Variants in KIAA1549L observed in about 807,000 individuals in gnomAD.
KIAA1549L encodes KIAA1549 like.
In KIAA1549L, 88 loss-of-function variants were observed where a neutral mutation model predicts 160.7. That is an observed-to-expected ratio of 0.55 (90% CI 0.46 to 0.65). The LOEUF (loss-of-function observed/expected upper bound fraction) is 0.65, where lower values mean the gene tolerates loss of function less well. KIAA1549L is among the 30% of genes least tolerant of loss of function. The pLI, the probability that KIAA1549L is intolerant of heterozygous loss-of-function variation, is 0.00. For synonymous variants in KIAA1549L, 950 were observed against 976.7 expected (o/e 0.97, Z 0.51); for missense variants, 2,258 against 2,437.5 (o/e 0.93, Z 1.55).
intron 1 of KIAA1549L, among the ~76,000 whole-genome samples, chr11:33,396,594 G>C (rs1431404166): frequency 1.3e-5 from 2 of 151,968 alleles, no homozygotes; most frequent in African/African-American, 4.8e-5. Context: ...AGAGTGAAGG[G>C]ACTCAGCTGA....
At chr11:33,597,242 T>C (rs762249849) in intron 12 of KIAA1549L, among the ~76,000 whole-genome samples, 1 of 152,242 alleles carries the variant, frequency 6.6e-6, no homozygotes, top group Non-Finnish European at 1.5e-5. Context: ...AATGTCCCAC[T>C]TGGCTTTAGT....
chr11:33,630,118 G>T (rs1851238218), intron 16 of KIAA1549L, among the ~76,000 whole-genome samples: 1 of 151,706 alleles, frequency 6.6e-6, no homozygotes, highest in South Asian at 2.1e-4. Context: ...GGACCCACTT[G>T]AGGAGGCAGT....
intron 16 of KIAA1549L, among the ~76,000 whole-genome samples, chr11:33,619,827 T>C (rs762866804): frequency 1.3e-5 from 2 of 152,236 alleles, no homozygotes; most frequent in Non-Finnish European, 2.9e-5. Flanking sequence ...TATAAAAAAA[T>C]ATTTCCTATG....
chr11:33,633,584 C>T (rs1448588203), intron 16 of KIAA1549L, among the ~76,000 whole-genome samples: 1 of 152,122 alleles, frequency 6.6e-6, no homozygotes. Context: ...CCTGCAGTGC[C>T]AGCTCAGCTA....
intron 4 of KIAA1549L, among the ~76,000 whole-genome samples, chr11:33,548,821 T>C (rs17339350): frequency 0.025 from 3,844 of 152,308 alleles, 77 homozygotes; most frequent in Admixed American, 0.034. Flanking sequence ...CTGTGGCTTC[T>C]TCTTTTGATG....
At chr11:33,568,265 TG>T in intron 9 of KIAA1549L, 38 bp downstream of exon 9, 2 of 1,502,766 alleles carry the variant, frequency 1.3e-6, no homozygotes, top group Non-Finnish European at 1.8e-6. Context: ...TTCTAATAAC[TG>T]GGGGTAGAGG....
intron 15 of KIAA1549L, among the ~76,000 whole-genome samples, chr11:33,612,850 T>C (rs559888252): frequency 3.3e-5 from 5 of 152,334 alleles, no homozygotes; most frequent in African/African-American, 7.2e-5. Context: ...TGAGAACATA[T>C]GGTATTTGGT....
chr11:33,549,582 G>GA (rs1321273503), intron 4 of KIAA1549L, among the ~76,000 whole-genome samples: 2 of 152,186 alleles, frequency 1.3e-5, no homozygotes, highest in African/African-American at 2.4e-5. Context: ...CCATCTTCAT[G>GA]AAAAACTGAC....
chr11:33,512,258 A>G (rs754598646), intron 1 of KIAA1549L, among the ~76,000 whole-genome samples: 1 of 152,244 alleles, frequency 6.6e-6, no homozygotes, highest in African/African-American at 2.4e-5. Flanking sequence ...GAAGGTTAAT[A>G]ATGGACATAG....
intron 16 of KIAA1549L, among the ~76,000 whole-genome samples, chr11:33,619,234 G>A (rs777342035): frequency 2.6e-5 from 4 of 152,056 alleles, no homozygotes; most frequent in African/African-American, 4.8e-5. Flanking sequence ...CCTCATCTCC[G>A]GTACCCTGCA....
chr11:33,403,263 A>ACACAGACATAGACATATG (rs1590221237), intron 1 of KIAA1549L: 7 of 143,428 alleles, frequency 4.9e-5, no homozygotes, highest in African/African-American at 1.0e-4. Flanking sequence ...ACACACAGAC[A>ACACAGACATAGACATATG]CAGACACACA....
rs1019389987 is a variant in KIAA1549L at position 33,668,472 on chromosome 11, C to G, written c.*318C>G. The G allele has an allele frequency of 5.3e-6, 2 of 377,738 alleles. No homozygotes were observed. Among genetic ancestry groups the G allele is most frequent in the Non-Finnish European group, 9.7e-6 (2 of 206,142 alleles). 23.4% of individuals were successfully genotyped at this position (377,738 alleles called of 1,614,324 possible). ...GAGGCACTAGCTAATCTACAGATTCCTATCCAATGCCACATTTTAATAAAT... is the reference window on the plus strand; with the variant it reads ...GAGGCACTAGCTAATCTACAGATTCGTATCCAATGCCACATTTTAATAAAT... On this transcript the variant is annotated 3_prime_UTR_variant, in exon 21 of 21. Transcript: ENST00000658780.
chr11:33,435,812 G>A (rs1477179510), intron 1 of KIAA1549L, among the ~76,000 whole-genome samples: 4,449 of 12,042 alleles, frequency 0.37, 912 homozygotes, highest in African/African-American at 0.58. Context: ...ATATATATAT[G>A]TGTGTGTATA....
At chr11:33,605,486 C>T (rs1850477404) in intron 13 of KIAA1549L, among the ~76,000 whole-genome samples, 1 of 152,074 alleles carries the variant, frequency 6.6e-6, no homozygotes, top group Admixed American at 6.5e-5. Context: ...CTGCTATTTG[C>T]AAATCAGCCC....
chr11:33,481,988 G>A (rs1227556416), intron 1 of KIAA1549L, among the ~76,000 whole-genome samples: 1 of 152,196 alleles, frequency 6.6e-6, no homozygotes, highest in African/African-American at 2.4e-5. Context: ...GGAGCAGAAA[G>A]CATCACACTA....
intron 4 of KIAA1549L, among the ~76,000 whole-genome samples, chr11:33,549,578 T>C (rs1261560409): frequency 6.6e-6 from 1 of 152,202 alleles, no homozygotes; most frequent in Non-Finnish European, 1.5e-5. Context: ...AGCACCATCT[T>C]CATGAAAAAC....
rs1375400915 is a variant in KIAA1549L, at chr11:33,547,814, A to G, written c.3436A>G (p.Ser1146Gly). 4.6e-5 allele frequency: 75 copies of G among 1,613,728 alleles called. No individual in the cohort carries two copies. The highest frequency in any genetic ancestry group is 6.2e-5 in the Non-Finnish European group (73 of 1,179,770). The stretch of plus-strand genomic sequence containing the variant: ...GCAGATCAGTGAATCCTTGAAGTTC[A>G]GTATCGCCAAAGGGCTCACACAGGC... ...RVQISESLKF[S>G]IAKGLTQALR... Residue 1146 changes from serine (S) to glycine (G), a missense_variant, in exon 4 of 21, where the codon AGT becomes GGT. Physicochemically the swap from Ser to Gly is moderately conservative, Grantham distance 56. This residue lies in a region of KIAA1549L where 1,359 missense variants were observed against 1,546.6 expected (regional missense o/e 0.88). Coordinates refer to ENST00000658780, the MANE Select transcript of KIAA1549L (RefSeq NM_012194.3).
intron 16 of KIAA1549L, among the ~76,000 whole-genome samples, chr11:33,629,881 C>A (rs1266251510): frequency 1.1e-5 from 1 of 92,292 alleles, no homozygotes; most frequent in Non-Finnish European, 2.0e-5. Context: ...TTAGAGTTTC[C>A]AGTTTTTCTG....
intron 1 of KIAA1549L, among the ~76,000 whole-genome samples, chr11:33,526,057 G>A (rs1047831577): frequency 4.6e-5 from 7 of 152,046 alleles, no homozygotes; most frequent in African/African-American, 1.2e-4. Flanking sequence ...CCTGGTAGCC[G>A]AAGACATAAG....
Sources: gnomAD v4.1 joint callset for allele counts (sites outside exome capture counted in the v4.1 genomes callset) on GRCh38, gnomAD v4.1.1 for gene constraint, gnomAD v4.1.1 regional missense constraint, MANE v1.5 for transcripts, NCBI Gene and HGNC (gene_info 2026-07-23, HGNC 2026-07-21) for gene names.